Variants in CDH4 observed in about 807,000 individuals in gnomAD.
The protein encoded by CDH4 is cadherin 4, also known as cadherin-4.
A neutral mutation model predicts 86.0 loss-of-function variants in CDH4; 33 were observed. The observed-to-expected ratio is 0.38, with a 90% CI of 0.29 to 0.51. The LOEUF is 0.51. Ranked by LOEUF, CDH4 falls within the 20% of genes least tolerant of loss-of-function variation. The pLI is 0.86. For synonymous variants in CDH4, 555 were observed against 549.4 expected (o/e 1.01, Z -0.14); for missense variants, 1,114 against 1,307.4 (o/e 0.85, Z 2.28).
At chr20:61,922,824 C>G (rs2054996258) in intron 9 of CDH4, among the ~76,000 whole-genome samples, 1 of 152,212 alleles carries the variant, frequency 6.6e-6, no homozygotes, top group Admixed American at 6.5e-5. Flanking sequence ...GGTGTGATCA[C>G]AGTGCACCAC....
chr20:61,863,161 A>C (rs1474405654), intron 6 of CDH4, among the ~76,000 whole-genome samples: 1 of 152,238 alleles, frequency 6.6e-6, no homozygotes, highest in African/African-American at 2.4e-5. Flanking sequence ...GCGTTGGTAC[A>C]TGAATTCCGA....
At chr20:61,917,314 T>C (rs2054913768) in intron 9 of CDH4, among the ~76,000 whole-genome samples, 1 of 152,218 alleles carries the variant, frequency 6.6e-6, no homozygotes, top group South Asian at 2.1e-4. Context: ...CGGCCTCTTG[T>C]CTCCCTCCTC....
chr20:61,682,044 G>A lies in CDH4; in HGVS notation c.170-61519G>A, dbSNP rs137949369. On this transcript the variant is annotated intron_variant, in intron 2 of 15. Transcript: ENST00000614565. Reference sequence around the variant, plus strand: ...TAGCAGTTGCTGTATCCTGCTAAGCGTCTGCCTCCATTCTGGGTCCTGGCT... The same window carrying A: ...TAGCAGTTGCTGTATCCTGCTAAGCATCTGCCTCCATTCTGGGTCCTGGCT... Among the ~76,000 whole-genome samples, 41 of 152,316 alleles carry A rather than the reference G, an allele frequency of 2.7e-4. 1 individual carries two copies. Among genetic ancestry groups the A allele is most frequent in the East Asian group, 2.1e-3 (11 of 5,176 alleles).
chr20:61,525,856 C>T (rs775623228), intron 2 of CDH4, among the ~76,000 whole-genome samples: 12 of 152,040 alleles, frequency 7.9e-5, no homozygotes, highest in Non-Finnish European at 1.3e-4. Context: ...GGCCGGGCAC[C>T]GTAAGTCCTG....
chr20:61,533,281 G>C (rs970899540), intron 2 of CDH4, among the ~76,000 whole-genome samples: 1 of 152,166 alleles, frequency 6.6e-6, no homozygotes, highest in Non-Finnish European at 1.5e-5. Flanking sequence ...GCCTGGGCAC[G>C]GCAGGCGGCT....
At chr20:61,578,009 A>G (rs908004764) in intron 2 of CDH4, among the ~76,000 whole-genome samples, 1 of 151,998 alleles carries the variant, frequency 6.6e-6, no homozygotes, top group Non-Finnish European at 1.5e-5. Flanking sequence ...CCCACCATGC[A>G]GGACTGCCAA....
At chr20:61,564,079 G>A (rs934042342) in intron 2 of CDH4, among the ~76,000 whole-genome samples, 9 of 152,212 alleles carry the variant, frequency 5.9e-5, no homozygotes, top group African/African-American at 9.6e-5. Context: ...TGAGGACAGC[G>A]TTTGTGTTTC....
intron 2 of CDH4, among the ~76,000 whole-genome samples, chr20:61,705,601 C>A (rs1204542349): frequency 6.6e-6 from 1 of 152,146 alleles, no homozygotes; most frequent in African/African-American, 2.4e-5. Flanking sequence ...GGAGAGCCAC[C>A]CTCATGGGAC....
At chr20:61,772,886 G>A (rs144562973) in intron 3 of CDH4, 117 bp from the exon 4 acceptor site, 11,628 of 811,310 alleles carry the variant, frequency 0.014, 133 homozygotes, top group South Asian at 0.024. Context: ...TTGTCCCAGC[G>A]TTACCCGCCT....
At position 61,939,745 on chromosome 20, in the gene CDH4, C is replaced by G. The variant is rs1467232827; in HGVS notation, c.*2802C>G. 6.6e-6 allele frequency: 1 copy of G among 152,394 alleles called. No individual in the cohort carries two copies. Among genetic ancestry groups the G allele is most frequent in the Admixed American group, 6.5e-5 (1 of 15,310 alleles). 9.4% of individuals were successfully genotyped at this position (152,394 alleles called of 1,614,324 possible). ...GTTCCTTTAGGGAATTTTTGTTTTG[C>G]AAACAGGAGAAACCTGTGCTGCAGG... is the stretch of plus-strand genomic sequence containing the variant. On this transcript the variant is annotated 3_prime_UTR_variant, in exon 16 of 16. Transcript: ENST00000614565.
At chr20:61,503,934 G>T (rs528032732) in intron 2 of CDH4, among the ~76,000 whole-genome samples, 1 of 152,168 alleles carries the variant, frequency 6.6e-6, no homozygotes, top group Non-Finnish European at 1.5e-5. Context: ...CCCAAACAGG[G>T]AGAAGAACAT....
At position 61,516,629 on chromosome 20, in the gene CDH4, T is replaced by C. The variant is rs1383013388; in HGVS notation, c.170-226934T>C. ...GGCAGAAAGCTCAGTGGCTGAGCTA[T>C]TTTAAAGCAAAGTATCAGACCCTCA... On this transcript the variant is annotated intron_variant, in intron 2 of 15. Coordinates refer to ENST00000614565, the MANE Select transcript of CDH4 (RefSeq NM_001794.5). This position sits in a 1 kb window ranked among gnomAD's most constrained non-coding sequence, Gnocchi z 4.0. 6.6e-6 allele frequency among the ~76,000 whole-genome samples: 1 copy of C among 152,210 alleles called. No homozygotes were observed. Among genetic ancestry groups the C allele is most frequent in the African/African-American group, 2.4e-5 (1 of 41,454 alleles).
chr20:61,903,016 C>CAAAAAAAAAAAAAAAAAAAAAAAAAA (rs58490650), intron 8 of CDH4, among the ~76,000 whole-genome samples: 3 of 83,104 alleles, frequency 3.6e-5, no homozygotes, highest in Non-Finnish European at 4.9e-5. Context: ...AAGACTGTCT[C>CAAAAAAAAAAAAAAAAAAAAAAAAAA]AAAAAAAAAA....
rs73915243 is a variant in CDH4, at chr20:61,262,158, A to G, written c.169+7221A>G. Among the ~76,000 whole-genome samples the G allele has an allele frequency of 5.3e-3, 814 of 152,274 alleles. 6 individuals are homozygous for G. Among genetic ancestry groups the G allele is most frequent in the African/African-American group, 0.018 (759 of 41,576 alleles). ...ACCAGGAACCTTAGTGAGGCCGGTT[A>G]CAGATTGAGAGAAAGTGCCACGACT... On this transcript the variant is annotated intron_variant, in intron 2 of 15. Transcript: ENST00000614565.
At position 61,484,345 on chromosome 20, in the gene CDH4, C is replaced by T. The variant is rs139624773; in HGVS notation, c.169+229408C>T. ...GAACTTCTGCCCACCGCAACCCCCA[C>T]TTTCTCCCTAAAGCCTCTGCAGACA... is the stretch of plus-strand genomic sequence containing the variant. On this transcript the variant is annotated intron_variant, in intron 2 of 15. Transcript: ENST00000614565. 4.5e-4 allele frequency among the ~76,000 whole-genome samples: 69 copies of T among 152,368 alleles called. 1 individual carries two copies. In the East Asian group the frequency reaches 0.012, roughly 27 times the overall value.
intron 2 of CDH4, among the ~76,000 whole-genome samples, chr20:61,466,944 A>G (rs1178740586): frequency 6.6e-6 from 1 of 152,212 alleles, no homozygotes; most frequent in African/African-American, 2.4e-5. Flanking sequence ...AATAGTTGCT[A>G]AAAGCATTGG....
chr20:61,901,233 G>GCAGGGGCAGGGA (rs1248153833), intron 8 of CDH4, among the ~76,000 whole-genome samples: 1 of 150,902 alleles, frequency 6.6e-6, no homozygotes, highest in Non-Finnish European at 1.5e-5. Flanking sequence ...AGGGGCAGGG[G>GCAGGGGCAGGGA]CAGGGGCAGG....
At chr20:61,782,715 C>T (rs1272447625) in intron 4 of CDH4, among the ~76,000 whole-genome samples, 1 of 152,072 alleles carries the variant, frequency 6.6e-6, no homozygotes, top group Non-Finnish European at 1.5e-5. Flanking sequence ...TTAAGTGGTC[C>T]AATATTAACT....
chr20:61,653,552 G>T (rs1285143488), intron 2 of CDH4, among the ~76,000 whole-genome samples: 2 of 139,922 alleles, frequency 1.4e-5, no homozygotes, highest in African/African-American at 2.6e-5. Context: ...CGGGGTGGCT[G>T]GCCAGGCGGG....
Sources: allele counts gnomAD v4.1 joint callset (sites outside exome capture counted in the v4.1 genomes callset), GRCh38; gene constraint gnomAD v4.1.1; non-coding constraint Gnocchi (gnomAD v3.1); transcripts MANE v1.5; gene names NCBI Gene and HGNC (gene_info 2026-07-23, HGNC 2026-07-21).